NRG1: variants seen among roughly 807,000 people sequenced by gnomAD.
The protein encoded by NRG1 is pro-neuregulin-1, membrane-bound isoform.
A neutral mutation model predicts 63.8 loss-of-function variants in NRG1; 18 were observed. The observed-to-expected ratio is 0.28, with a 90% CI of 0.19 to 0.42. The LOEUF (loss-of-function observed/expected upper bound fraction) is 0.42. Among genes scored for constraint, NRG1 ranks in the 10% least tolerant of loss-of-function variants. The pLI is 1.00. For synonymous variants in NRG1, 302 were observed against 301.3 expected, an observed-to-expected ratio of 1.00 and a Z score of -0.02; for missense variants, 762 against 814.7, an observed-to-expected ratio of 0.94 and a Z score of 0.79.
Position 31,744,523 on chromosome 8 carries a change from G to A in NRG1, c.37+105092G>A, listed in dbSNP as rs146489403. 2.1e-3 allele frequency among the ~76,000 whole-genome samples: 323 copies of A among 152,090 alleles called. 1 individual carries two copies. Among genetic ancestry groups the A allele is most frequent in the African/African-American group, 5.9e-3 (245 of 41,524 alleles). ...CCAATAGCAGGAAGGTTTACCTTCA[G>A]CTTGTTCCCTGTATGCTCAGTTTCC... On this transcript the variant is annotated intron_variant, in intron 1 of 10. Coordinates refer to the NRG1 transcript ENST00000519301.
intron 1 of NRG1, among the ~76,000 whole-genome samples, chr8:32,358,445 C>T (rs1159088834): frequency 6.6e-6 from 1 of 150,656 alleles, no homozygotes; most frequent in African/African-American, 2.4e-5. Context: ...GAGATGCTGT[C>T]CCTGAAGAAG....
Position 31,756,802 on chromosome 8 carries a change from C to T in NRG1, c.37+117371C>T, listed in dbSNP as rs1165724708. The stretch of plus-strand genomic sequence containing the variant: ...AGAGTTTCTGAAGGAAGAAGGGTCA[C>T]GCTTAATAGATTTGATGAGTCCATT... On this transcript the variant is annotated intron_variant, in intron 1 of 10. Transcript: ENST00000519301. 3.9e-5 allele frequency among the ~76,000 whole-genome samples: 6 copies of T among 152,120 alleles called. No homozygotes were observed. In the East Asian group the frequency reaches 5.8e-4, roughly 15 times the overall value.
exon 12 of NRG1, chr8:32,766,044 G>A (rs1333815947): frequency 6.6e-6 from 1 of 152,144 alleles, no homozygotes; most frequent in Admixed American, 6.5e-5. Flanking sequence ...GGGACAAATG[G>A]GAAACAGGTT....
intron 1 of NRG1, among the ~76,000 whole-genome samples, chr8:31,945,284 A>G (rs1249984189): frequency 6.6e-6 from 1 of 151,982 alleles, no homozygotes; most frequent in Admixed American, 6.6e-5. Flanking sequence ...TGATGCTTTG[A>G]CTTTTGCCAT....
chr8:32,020,319 T>A lies in NRG1; in HGVS notation c.37+380888T>A, dbSNP rs114048213. Among the ~76,000 whole-genome samples, 386 of 152,356 alleles carry A rather than the reference T, an allele frequency of 2.5e-3. 4 individuals are homozygous for A. Among genetic ancestry groups the A allele is most frequent in the African/African-American group, 8.9e-3 (371 of 41,596 alleles). ...TATTATTATATGAAATTCATGGATA[T>A]GAAATACAATTAATTTTTGTATGTT... is the stretch of plus-strand genomic sequence containing the variant. On this transcript the variant is annotated intron_variant, in intron 1 of 10. Transcript: ENST00000519301.
At chr8:31,721,667 T>C (rs1052432854) in intron 1 of NRG1, among the ~76,000 whole-genome samples, 1 of 152,184 alleles carries the variant, frequency 6.6e-6, no homozygotes, top group African/African-American at 2.4e-5. Context: ...GAAGCAAGCA[T>C]TGATTTTTTT....
chr8:31,722,509 G>A (rs1813022195), intron 1 of NRG1, among the ~76,000 whole-genome samples: 1 of 152,148 alleles, frequency 6.6e-6, no homozygotes, highest in African/African-American at 2.4e-5. Context: ...GAGTAAATGA[G>A]TAAATGAATC....
At chr8:32,031,631 G>T (rs1055245677) in intron 1 of NRG1, among the ~76,000 whole-genome samples, 26 of 151,992 alleles carry the variant, frequency 1.7e-4, no homozygotes, top group Admixed American at 3.3e-4. Context: ...CCCATGACAG[G>T]CCCCAGTGTG....
chr8:32,314,190 G>GA (rs3055549), intron 1 of NRG1, among the ~76,000 whole-genome samples: 16,072 of 149,822 alleles, frequency 0.11, 951 homozygotes, highest in Middle Eastern at 0.14. Flanking sequence ...CTGTTAAGTG[G>GA]AAAAAAAAAA....
chr8:32,610,695 A>C (rs1449613312), intron 3 of NRG1, among the ~76,000 whole-genome samples: 1 of 152,178 alleles, frequency 6.6e-6, no homozygotes, highest in Admixed American at 6.5e-5. Flanking sequence ...AATGCCTTTC[A>C]ACCCCTACTT....
intron 1 of NRG1, among the ~76,000 whole-genome samples, chr8:32,198,087 C>T (rs897991202): frequency 6.6e-5 from 10 of 152,224 alleles, no homozygotes; most frequent in African/African-American, 2.2e-4. Flanking sequence ...TGAACAACAA[C>T]AATGCTCATA....
chr8:32,651,999 T>A (rs778292649), intron 5 of NRG1, among the ~76,000 whole-genome samples: 43 of 152,180 alleles, frequency 2.8e-4, no homozygotes, highest in Non-Finnish European at 1.5e-4. Context: ...CAGAAATGCC[T>A]ATTGAAATTC....
At chr8:32,012,080 C>A (rs779689228) in intron 1 of NRG1, among the ~76,000 whole-genome samples, 1 of 152,034 alleles carries the variant, frequency 6.6e-6, no homozygotes, top group Admixed American at 6.6e-5. Context: ...GCCTAAGATG[C>A]CATATTACAG....
chr8:32,524,974 C>T lies in NRG1; in HGVS notation c.38-70854C>T, dbSNP rs561179689. 5.9e-5 allele frequency among the ~76,000 whole-genome samples: 9 copies of T among 152,284 alleles called. No homozygotes were observed. The South Asian group carries it at 1.2e-3, about 21-fold the overall frequency. ...TATTTTTAAGTAGGAAAAGCTTTTC[C>T]GTTAAGTTTTTGCAAACAAATATAA... On this transcript the variant is annotated intron_variant, in intron 1 of 10. Coordinates refer to the NRG1 transcript ENST00000519301.
At chr8:32,640,696 G>C (rs1852221981) in intron 5 of NRG1, among the ~76,000 whole-genome samples, 1 of 151,128 alleles carries the variant, frequency 6.6e-6, no homozygotes, top group South Asian at 2.1e-4. Flanking sequence ...TTGAGACTCT[G>C]AATTCAAAAG....
intron 1 of NRG1, among the ~76,000 whole-genome samples, chr8:32,426,706 C>T (rs1817419927): frequency 6.6e-6 from 1 of 152,196 alleles, no homozygotes; most frequent in Non-Finnish European, 1.5e-5. Context: ...CTCTGCAACA[C>T]ACAAAGCATA....
intron 1 of NRG1, among the ~76,000 whole-genome samples, chr8:31,889,374 T>G (rs1014855847): frequency 6.6e-6 from 1 of 152,160 alleles, no homozygotes; most frequent in African/African-American, 2.4e-5. Context: ...GACTTCAAGT[T>G]TGTGGACTGA....
intron 1 of NRG1, among the ~76,000 whole-genome samples, chr8:32,229,909 T>A (rs1396724674): frequency 1.3e-5 from 2 of 152,074 alleles, no homozygotes; most frequent in East Asian, 1.9e-4. Context: ...CACTGCTCAT[T>A]AGAAATAGCT....
intron 1 of NRG1, among the ~76,000 whole-genome samples, chr8:31,991,612 T>C (rs1470965149): frequency 6.6e-6 from 1 of 152,042 alleles, no homozygotes; most frequent in Admixed American, 6.6e-5. Context: ...CACATTCTGC[T>C]GGAACTGGAT....
Sources: allele counts gnomAD v4.1 joint callset (sites outside exome capture counted in the v4.1 genomes callset), GRCh38; gene constraint gnomAD v4.1.1; transcripts MANE v1.5; gene names NCBI Gene and HGNC (gene_info 2026-07-23, HGNC 2026-07-21).